The following AADACL2 variants were observed in gnomAD, a reference collection of about 807,000 sequenced individuals.
The protein encoded by AADACL2 is arylacetamide deacetylase like 2.
AADACL2 carries 23 observed loss-of-function variants against 22.3 expected under a neutral mutation model. That is an observed-to-expected ratio of 1.03 (90% CI 0.74 to 1.46). The LOEUF is 1.46. AADACL2 is among the 40% of genes most tolerant of loss of function. AADACL2 has a pLI of 0.00. For synonymous variants in AADACL2, 177 were observed against 166.2 expected (o/e 1.07, Z -0.50); for missense variants, 472 against 482.9 (o/e 0.98, Z 0.21).
chr3:151,751,275 C>G (rs1051791018), intron 4 of AADACL2, among the ~76,000 whole-genome samples: 1 of 152,078 alleles, frequency 6.6e-6, no homozygotes, highest in African/African-American at 2.4e-5. Flanking sequence ...CATCTGAAAC[C>G]GGTTTGGGGA....
Position 151,746,640 on chromosome 3 carries a change from T to A in AADACL2, c.603+960T>A, listed in dbSNP as rs140357092. On this transcript the variant is annotated intron_variant, in intron 4 of 4. Transcript: ENST00000356517. ...TTTCTACTCCTAGTTTGCTGATAGT[T>A]TTTGCATAAATGGGTCTTGAATTAG... Among the ~76,000 whole-genome samples the A allele has an allele frequency of 7.4e-3, 1,131 of 152,158 alleles. 12 individuals carry two copies. Among genetic ancestry groups the A allele is most frequent in the African/African-American group, 0.025 (1,032 of 41,544 alleles).
chr3:151,744,069 T>C, intron 2 of AADACL2, 24 bp from the exon 3 acceptor site: 3 of 1,607,592 alleles, frequency 1.9e-6, no homozygotes, highest in Non-Finnish European at 2.6e-6. Flanking sequence ...AGGAAATACT[T>C]TGATGTTTAT....
rs1714069383 is a variant in AADACL2, at chr3:151,759,341, T to G, written c.*1747T>G. ...AACAAGTCCTAGAAATCTCTTCATT[T>G]TGACAGCAAGTGCTGATTTGTAAGA... On this transcript the variant is annotated 3_prime_UTR_variant, in exon 5 of 5. Transcript: ENST00000356517. 1 of 152,190 alleles carries G rather than the reference T, an allele frequency of 6.6e-6. No individual in the cohort carries two copies. Among genetic ancestry groups the G allele is most frequent in the African/African-American group, 2.4e-5 (1 of 41,456 alleles). 9.4% of individuals were successfully genotyped at this position (152,190 alleles called of 1,614,324 possible).
chr3:151,745,591 AT>A lies in AADACL2; in HGVS notation c.516del (p.Thr174GlnfsTer21), dbSNP rs1713415152. ...AGTCAAATTTTTTCTTTTGGAAAAA[AT>A]TCTTACAAAATATGGAGTGGATCCC... ...AAVKFFLLEK[I>X]LTKYGVDPTR... On this transcript the variant is annotated frameshift_variant, in exon 4 of 5. Transcript: ENST00000356517. LOFTEE classifies it high-confidence loss of function. 6.2e-7 allele frequency: 1 copy of A among 1,613,784 alleles called. No homozygotes were observed. The highest frequency in any genetic ancestry group is 1.7e-5 in the Admixed American group (1 of 59,964).
At chr3:151,746,872 G>C (rs1713464469) in intron 4 of AADACL2, among the ~76,000 whole-genome samples, 1 of 150,122 alleles carries the variant, frequency 6.7e-6, no homozygotes. Context: ...GTATTTTTGA[G>C]ATTAATCTTT....
rs187849463 is a variant in AADACL2 at position 151,737,479 on chromosome 3, C to T, written c.139-3167C>T. Among the ~76,000 whole-genome samples the T allele has an allele frequency of 4.0e-4, 60 of 151,854 alleles. 1 individual carries two copies. Among genetic ancestry groups the T allele is most frequent in the Admixed American group, 3.9e-3 (60 of 15,226 alleles). On this transcript the variant is annotated intron_variant, in intron 1 of 4. Coordinates refer to ENST00000356517, the MANE Select transcript of AADACL2 (RefSeq NM_207365.4). The stretch of plus-strand genomic sequence containing the variant: ...GAGTTCTGTAGATGACTATTAGGTC[C>T]CCTTGGTCCAGAGCTGAGTGCAAGT...
chr3:151,757,713 G>A lies in AADACL2; in HGVS notation c.*119G>A. 7.8e-7 allele frequency: 1 copy of A among 1,289,874 alleles called. No homozygotes were observed. Among genetic ancestry groups the A allele is most frequent in the South Asian group, 1.5e-5 (1 of 65,260 alleles). The allele number at this position is 1,289,874 out of a possible 1,614,324, so 79.9% of individuals were successfully genotyped here. A position where few individuals can be genotyped will look rare whatever the true frequency, so the allele number is the denominator to read the frequency against. On this transcript the variant is annotated 3_prime_UTR_variant, in exon 5 of 5. Coordinates refer to ENST00000356517, the MANE Select transcript of AADACL2 (RefSeq NM_207365.4). Reference sequence around the variant, plus strand: ...TAAATCTACATTTGCAACATTTGTAGCAGTTAATGTGTGTCCTTGAAGAGT... The same window carrying A: ...TAAATCTACATTTGCAACATTTGTAACAGTTAATGTGTGTCCTTGAAGAGT...
rs1713424206 is a variant in AADACL2 at position 151,745,755 on chromosome 3, C to T, written c.603+75C>T. 8 of 1,421,760 alleles carry T rather than the reference C, an allele frequency of 5.6e-6. No homozygotes were observed. The Admixed American group carries it at 1.4e-4, about 25-fold the overall frequency. The allele number at this position is 1,421,760 out of a possible 1,614,324, so 88.1% of individuals were successfully genotyped here. On this transcript the variant is annotated intron_variant, in intron 4 of 4. Transcript: ENST00000356517. ...TTTTTCTATAGATAATTCAGTTCTTCCCCCACCATTTGTTGAAAAGACCAT... is the reference window on the plus strand; with the variant it reads ...TTTTTCTATAGATAATTCAGTTCTTTCCCCACCATTTGTTGAAAAGACCAT...
chr3:151,754,851 C>T (rs1035720386), intron 4 of AADACL2, among the ~76,000 whole-genome samples: 8 of 152,002 alleles, frequency 5.3e-5, no homozygotes, highest in East Asian at 1.9e-4. Flanking sequence ...TTTTTTTGCA[C>T]TCAAGTACAT....
intron 2 of AADACL2, among the ~76,000 whole-genome samples, chr3:151,741,089 T>A (rs1713266337): frequency 6.6e-6 from 1 of 152,136 alleles, no homozygotes; most frequent in Admixed American, 6.6e-5. Flanking sequence ...TTTTGTTTTG[T>A]TTTTTTATTA....
At chr3:151,750,430 C>T (rs964731734) in intron 4 of AADACL2, among the ~76,000 whole-genome samples, 5 of 152,148 alleles carry the variant, frequency 3.3e-5, no homozygotes, top group South Asian at 2.1e-4. Flanking sequence ...CCTCCACCTA[C>T]GCATCTATGT....
chr3:151,757,269 A>G lies in AADACL2; in HGVS notation c.881A>G (p.Asp294Gly), dbSNP rs751548403. 6.2e-7 allele frequency: 1 copy of G among 1,613,768 alleles called. No homozygotes were observed. The highest frequency in any genetic ancestry group is 8.5e-7 in the Non-Finnish European group (1 of 1,179,718). ...SILLPEKYRK[D>G]YVYTEPILGG... ...CTTCTTCCTGAGAAGTATAGAAAAGACTATGTATATACTGAACCAATTCTT... is the reference window on the plus strand; with the variant it reads ...CTTCTTCCTGAGAAGTATAGAAAAGGCTATGTATATACTGAACCAATTCTT... Residue 294 changes from aspartate (D) to glycine (G), a missense_variant, in exon 5 of 5, where the codon GAC becomes GGC. Physicochemically the swap from Asp to Gly is moderately conservative, Grantham distance 94 (BLOSUM62 -1). This residue lies in a region of AADACL2 where 356 missense variants were observed against 365.5 expected (regional missense o/e 0.97). Transcript: ENST00000356517.
chr3:151,743,898 G>A (rs2107983801), intron 2 of AADACL2, among the ~76,000 whole-genome samples, 195 bp from the exon 3 acceptor site: 1 of 152,114 alleles, frequency 6.6e-6, no homozygotes, highest in East Asian at 1.9e-4. Flanking sequence ...TTTTCCTCCT[G>A]GAAAGAGTGG....
chr3:151,749,821 TTC>T (rs1284983040), intron 4 of AADACL2, among the ~76,000 whole-genome samples: 4 of 152,108 alleles, frequency 2.6e-5, no homozygotes, highest in African/African-American at 9.7e-5. Flanking sequence ...TGCTTTTTAT[TTC>T]TGTTTTTGTT....
In AADACL2 at chr3:151,735,080, A is replaced by G. The variant is rs142047048; in HGVS notation, c.138+907A>G. Among the ~76,000 whole-genome samples the G allele has an allele frequency of 4.8e-3, 731 of 152,348 alleles. 4 individuals carry two copies. Among genetic ancestry groups the G allele is most frequent in the Non-Finnish European group, 7.5e-3 (508 of 68,030 alleles). Reference sequence around the variant, plus strand: ...CAGTATATTTGCTTTGTGAAACCACAGTCAACTCCTTCTGATGTCTGCTAA... The same window carrying G: ...CAGTATATTTGCTTTGTGAAACCACGGTCAACTCCTTCTGATGTCTGCTAA... On this transcript the variant is annotated intron_variant, in intron 1 of 4. Transcript: ENST00000356517.
intron 4 of AADACL2, among the ~76,000 whole-genome samples, chr3:151,746,356 G>GTTTTTTTT (rs1161661355): frequency 1.0e-5 from 1 of 98,768 alleles, no homozygotes; most frequent in Non-Finnish European, 2.2e-5. Context: ...AGTGTTCTGT[G>GTTTTTTTT]TTTTTTTTGT....
intron 1 of AADACL2, among the ~76,000 whole-genome samples, 164 bp from the exon 2 acceptor site, chr3:151,740,482 T>C (rs536155155): frequency 6.6e-6 from 1 of 152,362 alleles, no homozygotes; most frequent in Non-Finnish European, 1.5e-5. Flanking sequence ...AAGAAGGTTA[T>C]GCAATAAGAT....
chr3:151,740,852 T>C lies in AADACL2; in HGVS notation c.345T>C (p.Phe115=). The C allele has an allele frequency of 6.2e-7, 1 of 1,613,954 alleles. No individual in the cohort carries two copies. Residue 115 remains phenylalanine (F), a synonymous_variant, in exon 2 of 5, where the codon TTT becomes TTC. Transcript: ENST00000356517. ...TGATATATTTTCATGGTGGTGGTTT[T>C]TGTTTTGGAAGTTCCAGTAAGTTCA... ...RAVIYFHGGG[F]CFGSSKQRAF... is the part of the protein sequence containing the mutation.
chr3:151,742,174 G>A (rs1394767294), intron 2 of AADACL2, among the ~76,000 whole-genome samples: 1 of 151,956 alleles, frequency 6.6e-6, no homozygotes, highest in African/African-American at 2.4e-5. Context: ...ACATACATAA[G>A]TTGCTTTGAG....
Sources: gnomAD v4.1 joint callset for allele counts (sites outside exome capture counted in the v4.1 genomes callset) on GRCh38, gnomAD v4.1.1 for gene constraint, gnomAD v4.1.1 regional missense constraint, MANE v1.5 for transcripts, NCBI Gene and HGNC (gene_info 2026-07-23, HGNC 2026-07-21) for gene names.